Variants in DNMT3A observed in about 807,000 individuals in gnomAD.
DNMT3A encodes DNA methyltransferase 3 alpha, also known as DNA (cytosine-5)-methyltransferase 3A.
DNMT3A carries 267 observed loss-of-function variants against 117.6 expected under a neutral mutation model. The ratio of observed to expected loss-of-function variants is 2.27; its 90% CI spans 2.05 to 2.51. The LOEUF is 2.51. DNMT3A is among the 30% of genes most tolerant of loss of function. The pLI, the probability that DNMT3A is intolerant of heterozygous loss-of-function variation, is 0.00. For missense variants in DNMT3A, 1,029 were observed against 1,260.2 expected, an observed-to-expected ratio of 0.82 and a Z score of 2.78; for synonymous variants, 432 against 474.8, an observed-to-expected ratio of 0.91 and a Z score of 1.17.
chr2:25,300,652 TCTAAATAATATATTATTTAG>T, intron 2 of DNMT3A, among the ~76,000 whole-genome samples: 1 of 65,802 alleles, frequency 1.5e-5, no homozygotes, highest in Middle Eastern at 5.5e-3. Context: ...TATTTAGATA[TCTAAATAATATATTATTTAG>T]ATATATATTT....
intron 3 of DNMT3A, among the ~76,000 whole-genome samples, chr2:25,283,673 C>A (rs2032067336): frequency 6.6e-6 from 1 of 152,236 alleles, no homozygotes; most frequent in East Asian, 1.9e-4. Flanking sequence ...GGCTCTGCAA[C>A]AACTCTTCCT....
At chr2:25,336,173 T>G (rs1438949453) in intron 1 of DNMT3A, among the ~76,000 whole-genome samples, 1 of 152,210 alleles carries the variant, frequency 6.6e-6, no homozygotes. Context: ...CACTCATGCC[T>G]GGGGGCCTGG....
In DNMT3A at chr2:25,293,162, G is replaced by A. The variant is rs943132008; in HGVS notation, c.177+6977C>T. Among the ~76,000 whole-genome samples the A allele has an allele frequency of 1.3e-5, 2 of 152,134 alleles. No individual in the cohort carries two copies. The highest frequency in any genetic ancestry group is 4.8e-5 in the African/African-American group (2 of 41,432). On this transcript the variant is annotated intron_variant, in intron 3 of 22. Coordinates refer to ENST00000321117, the MANE Select transcript of DNMT3A (RefSeq NM_022552.5). This position sits in a 1 kb window ranked among gnomAD's most constrained non-coding sequence, Gnocchi z 4.7. ...ACAACGCTGATGCTGTCCCTGTTGTGCCATTGCTAGGGCTTCCTTTCACCC... is the reference window on the plus strand; with the variant it reads ...ACAACGCTGATGCTGTCCCTGTTGTACCATTGCTAGGGCTTCCTTTCACCC...
At chr2:25,245,214 G>A (rs368497790) in intron 13 of DNMT3A, 39 bp downstream of exon 13, 40 of 1,599,222 alleles carry the variant, frequency 2.5e-5, no homozygotes, top group East Asian at 4.5e-5. Context: ...CCGAAGGGCC[G>A]GCCTCAACGG....
rs771681167 is a variant in DNMT3A at position 25,245,280 on chromosome 2, G to A, written c.1527C>T (p.Phe509=). The stretch of plus-strand genomic sequence containing the variant: ...TGCAGTTTTGGCACATTCCTCCAAC[G>A]AAGAGGGGGTGTTCCAGGGTAACAT... ...SLNVTLEHPL[F]VGGMCQNCKN... Residue 509 remains phenylalanine, a synonymous_variant, in exon 13 of 23, where the codon TTC becomes TTT. Coordinates refer to ENST00000321117, the MANE Select transcript of DNMT3A (RefSeq NM_022552.5). The A allele has an allele frequency of 4.3e-6, 7 of 1,613,934 alleles. No homozygotes were observed. The South Asian group carries it at 7.7e-5, about 18-fold the overall frequency.
chr2:25,284,892 G>T (rs1475360108), intron 3 of DNMT3A, among the ~76,000 whole-genome samples: 3 of 151,720 alleles, frequency 2.0e-5, no homozygotes, highest in South Asian at 4.1e-4. Context: ...TTCCAAAAGG[G>T]TATCATACTA....
chr2:25,241,631 CGTGATGGA>C lies in DNMT3A; in HGVS notation c.2005_2012del (p.Ser669GlyfsTer41). 6.2e-7 allele frequency: 1 copy of C among 1,614,180 alleles called. No homozygotes were observed. Among genetic ancestry groups the C allele is most frequent in the Non-Finnish European group, 8.5e-7 (1 of 1,180,024 alleles). ...TCCCCTGGTGCCGCACCATGCCCAC[CGTGATGGA>C]GTCCTCACACACCTCCGAGGCAATG... On this transcript the variant is annotated frameshift_variant, in exon 17 of 23. Transcript: ENST00000321117. LOFTEE classifies it high-confidence loss of function.
At chr2:25,265,110 A>T (rs1179106873) in intron 6 of DNMT3A, among the ~76,000 whole-genome samples, 1 of 152,214 alleles carries the variant, frequency 6.6e-6, no homozygotes, top group Non-Finnish European at 1.5e-5. Flanking sequence ...GTTTCACAAC[A>T]TCATCCACAT....
intron 2 of DNMT3A, among the ~76,000 whole-genome samples, chr2:25,302,890 CAAAGTGGGCA>C (rs1315282192): frequency 6.6e-6 from 1 of 152,206 alleles, no homozygotes; most frequent in East Asian, 1.9e-4. Flanking sequence ...ATGGAAAAAG[CAAAGTGGGCA>C]TGAGCCCAGC....
In DNMT3A at chr2:25,264,116, G is replaced by T. The variant is rs149781642; in HGVS notation, c.639+10825C>A. On this transcript the variant is annotated intron_variant, in intron 6 of 22. Coordinates refer to ENST00000321117, the MANE Select transcript of DNMT3A (RefSeq NM_022552.5). Reference sequence around the variant, plus strand: ...AGCACACAGTATCTGCTCAGTAAAGGCTGGACAACCCTTTGGTTTTTTTTT... The same window carrying T: ...AGCACACAGTATCTGCTCAGTAAAGTCTGGACAACCCTTTGGTTTTTTTTT... 9.5e-3 allele frequency among the ~76,000 whole-genome samples: 1,287 copies of T among 134,890 alleles called. 14 individuals are homozygous for T. The highest frequency in any genetic ancestry group is 0.033 in the African/African-American group (1,164 of 35,646). 88.5% of individuals were successfully genotyped at this position (134,890 alleles called of 152,430 possible).
At chr2:25,335,188 C>T (rs1221075295) in intron 1 of DNMT3A, among the ~76,000 whole-genome samples, 1 of 152,152 alleles carries the variant, frequency 6.6e-6, no homozygotes, top group African/African-American at 2.4e-5. Context: ...CACATCAGAA[C>T]AGACTCGCCT....
rs1444167510 is a variant in DNMT3A at position 25,294,647 on chromosome 2, C to A, written c.177+5492G>T. On this transcript the variant is annotated intron_variant, in intron 3 of 22. Transcript: ENST00000321117. This position sits in a 1 kb window ranked among gnomAD's most constrained non-coding sequence, Gnocchi z 4.7. ...CTTGGAGAAGAATCAAAGGTCCTAT[C>A]AGGCTGGAAAGCTAGCCAGTGCTGC... 6.6e-6 allele frequency among the ~76,000 whole-genome samples: 1 copy of A among 152,234 alleles called. No individual in the cohort carries two copies. The highest frequency in any genetic ancestry group is 1.9e-4 in the East Asian group (1 of 5,204).
chr2:25,297,046 G>A (rs2033130664), intron 3 of DNMT3A, among the ~76,000 whole-genome samples: 1 of 152,126 alleles, frequency 6.6e-6, no homozygotes, highest in Non-Finnish European at 1.5e-5. Flanking sequence ...GGCCACAGCT[G>A]CAACAGGTCC....
At position 25,261,627 on chromosome 2, in the gene DNMT3A, A is replaced by G. The variant is rs964265755; in HGVS notation, c.639+13314T>C. On this transcript the variant is annotated intron_variant, in intron 6 of 22. Coordinates refer to ENST00000321117, the MANE Select transcript of DNMT3A (RefSeq NM_022552.5). ...GTCTCAAAAAAAAAAAAAAACCATA[A>G]ATAAATAAAATAAATAGAAATGTAT... Among the ~76,000 whole-genome samples the G allele has an allele frequency of 1.3e-5, 2 of 151,650 alleles. 1 individual carries two copies. The highest frequency in any genetic ancestry group is 2.9e-5 in the Non-Finnish European group (2 of 67,934).
chr2:25,271,353 A>C (rs2030889046), intron 6 of DNMT3A, among the ~76,000 whole-genome samples: 1 of 152,174 alleles, frequency 6.6e-6, no homozygotes, highest in Non-Finnish European at 1.5e-5. Flanking sequence ...TCCGTCTCAA[A>C]AACAGACAAA....
At chr2:25,251,324 G>GT (rs1675529353) in intron 6 of DNMT3A, among the ~76,000 whole-genome samples, 1 of 151,844 alleles carries the variant, frequency 6.6e-6, no homozygotes, top group Admixed American at 6.6e-5. Context: ...AGAAACAGGG[G>GT]TGAACTCGAG....
chr2:25,253,262 G>T (rs1357945073), intron 6 of DNMT3A, among the ~76,000 whole-genome samples: 1 of 152,212 alleles, frequency 6.6e-6, no homozygotes. Flanking sequence ...GTTGGCTGTA[G>T]GATCAGATAA....
rs933488839 is a variant in DNMT3A, at chr2:25,314,055, G to C, written c.-71C>G. 3 of 1,461,048 alleles carry C rather than the reference G, an allele frequency of 2.1e-6. No individual in the cohort carries two copies. The highest frequency in any genetic ancestry group is 2.7e-6 in the Non-Finnish European group (3 of 1,108,110). The allele number at this position is 1,461,048 out of a possible 1,614,324, so 90.5% of individuals were successfully genotyped here. A position where few individuals can be genotyped will look rare whatever the true frequency, so the allele number is the denominator to read the frequency against. ...GCTGGGCTTTGGGGAAGGAATTATC[G>C]TGGTCTTTGGAGGCGAGAGTTAAAA... On this transcript the variant is annotated 5_prime_UTR_variant, in exon 2 of 23. Transcript: ENST00000321117.
chr2:25,304,971 C>T lies in DNMT3A; in HGVS notation c.73-4728G>A, dbSNP rs929727970. ...ATAGTTCCCCTACCCAGCAAGGCAACGGTCAGCTCCTTGAGGGAAGTGTGG... is the reference window on the plus strand; with the variant it reads ...ATAGTTCCCCTACCCAGCAAGGCAATGGTCAGCTCCTTGAGGGAAGTGTGG... On this transcript the variant is annotated intron_variant, in intron 2 of 22. Transcript: ENST00000321117. This position sits in a 1 kb window ranked among gnomAD's most constrained non-coding sequence, Gnocchi z 4.3. Among the ~76,000 whole-genome samples, 1 of 152,246 alleles carries T rather than the reference C, an allele frequency of 6.6e-6. No individual in the cohort carries two copies. Among genetic ancestry groups the T allele is most frequent in the Non-Finnish European group, 1.5e-5 (1 of 68,048 alleles).
Sources: allele counts gnomAD v4.1 joint callset (sites outside exome capture counted in the v4.1 genomes callset), GRCh38; gene constraint gnomAD v4.1.1; non-coding constraint Gnocchi (gnomAD v3.1); transcripts MANE v1.5; gene names NCBI Gene and HGNC (gene_info 2026-07-23, HGNC 2026-07-21).